The following CDH20 variants were observed in gnomAD, a reference collection of about 807,000 sequenced individuals.
The protein encoded by CDH20 is cadherin-20.
CDH20 carries 29 observed loss-of-function variants against 74.2 expected under a neutral mutation model. The ratio of observed to expected loss-of-function variants is 0.39; its 90% CI spans 0.29 to 0.53. CDH20 has a LOEUF of 0.53. Ranked by LOEUF, CDH20 falls within the 20% of genes least tolerant of loss-of-function variation. The pLI is 0.69. For synonymous variants in CDH20, 469 were observed against 405.4 expected, an observed-to-expected ratio of 1.16 and a Z score of -1.88; for missense variants, 988 against 1,048.3, an observed-to-expected ratio of 0.94 and a Z score of 0.79.
rs1484234354 is a variant in CDH20 at position 61,538,578 on chromosome 18, CTTTTTGTTTG to C, written c.1409-442_1409-433del. 6.6e-4 allele frequency among the ~76,000 whole-genome samples: 23 copies of C among 35,006 alleles called. 3 individuals carry two copies. The East Asian group carries it at 0.013, about 20-fold the overall frequency. 23.0% of individuals were successfully genotyped at this position (35,006 alleles called of 152,430 possible). A position where few individuals can be genotyped will look rare whatever the true frequency, so the allele number is the denominator to read the frequency against. ...TCCAGACTCACCAAGTAAATAACTA[CTTTTTGTTTG>C]TTTGTTTGTTTTTGTTTTTGTTTTT... On this transcript the variant is annotated intron_variant, in intron 8 of 11. Coordinates refer to ENST00000262717, the MANE Select transcript of CDH20 (RefSeq NM_031891.4).
rs764202955 is a variant in CDH20 at position 61,554,325 on chromosome 18, A to T, written c.2036A>T (p.Asp679Val). 1.2e-6 allele frequency: 2 copies of T among 1,613,580 alleles called. No homozygotes were observed. The highest frequency in any genetic ancestry group is 1.7e-6 in the Non-Finnish European group (2 of 1,179,968). The change falls in exon 12 of 12, where the codon GAC becomes GTC. Residue 679 changes from aspartate to valine, a missense_variant. Physicochemically the swap from Asp to Val is radical, Grantham distance 152. Around this residue, in one of 2 missense-constraint regions of CDH20, gnomAD observed 375 missense variants for 293.1 expected, o/e 1.28. Transcript: ENST00000262717. ...GGGEEDTEAF[D>V]IAAMWNPREA... ...GGCGAGGAGGACACCGAGGCCTTCG[A>T]CATCGCGGCCATGTGGAACCCCCGG... is the stretch of plus-strand genomic sequence containing the variant.
intron 1 of CDH20, among the ~76,000 whole-genome samples, chr18:61,455,612 T>C (rs896852014): frequency 1.3e-5 from 2 of 152,150 alleles, no homozygotes; most frequent in Admixed American, 6.5e-5. Context: ...GGCACAAATT[T>C]TGAGTCATTT....
At chr18:61,506,932 A>C (rs943573942) in intron 5 of CDH20, among the ~76,000 whole-genome samples, 16 of 152,128 alleles carry the variant, frequency 1.1e-4, no homozygotes, top group Admixed American at 1.0e-3. Flanking sequence ...CTCAGCACAC[A>C]AGCCAGGCCA....
chr18:61,479,208 G>T (rs1210595140), intron 1 of CDH20, among the ~76,000 whole-genome samples: 2 of 151,348 alleles, frequency 1.3e-5, no homozygotes, highest in African/African-American at 2.4e-5. Context: ...TAGAATATTT[G>T]CATGGGCCAA....
intron 1 of CDH20, among the ~76,000 whole-genome samples, chr18:61,470,798 T>C (rs1448707517): frequency 6.6e-6 from 1 of 152,178 alleles, no homozygotes; most frequent in African/African-American, 2.4e-5. Flanking sequence ...TAGAGGTTTC[T>C]ATAATGATAC....
intron 1 of CDH20, among the ~76,000 whole-genome samples, chr18:61,446,160 A>C (rs1266091296): frequency 1.3e-5 from 2 of 152,224 alleles, no homozygotes; most frequent in Non-Finnish European, 2.9e-5. Context: ...CCTAAGGAGA[A>C]GGAAATTACA....
chr18:61,473,032 G>A (rs1246830475), intron 1 of CDH20, among the ~76,000 whole-genome samples: 1 of 152,156 alleles, frequency 6.6e-6, no homozygotes, highest in Non-Finnish European at 1.5e-5. Flanking sequence ...GTCTAAAGTA[G>A]TTTTTGCTCA....
At chr18:61,528,248 T>G (rs763903278) in intron 7 of CDH20, 28 bp downstream of exon 7, 1 of 1,608,180 alleles carries the variant, frequency 6.2e-7, no homozygotes, top group Non-Finnish European at 8.5e-7. Context: ...ACCTTTTCCT[T>G]ATATGCTGGA....
At chr18:61,345,305 C>G (rs190335848) in intron 1 of CDH20, among the ~76,000 whole-genome samples, 1 of 152,196 alleles carries the variant, frequency 6.6e-6, no homozygotes, top group African/African-American at 2.4e-5. Context: ...AAGCACTTGT[C>G]ATAGGACTTA....
At chr18:61,453,232 A>G (rs1276089609) in intron 1 of CDH20, among the ~76,000 whole-genome samples, 4 of 152,142 alleles carry the variant, frequency 2.6e-5, no homozygotes, top group Admixed American at 6.5e-5. Flanking sequence ...TTGTCATTCC[A>G]AAAATGTTAT....
chr18:61,396,968 C>G (rs1912002693), intron 1 of CDH20, among the ~76,000 whole-genome samples: 1 of 152,206 alleles, frequency 6.6e-6, no homozygotes, highest in Admixed American at 6.5e-5. Context: ...GTTCTTGCTA[C>G]TACGTATGTT....
chr18:61,479,107 C>A (rs986839754), intron 1 of CDH20, among the ~76,000 whole-genome samples: 1 of 151,798 alleles, frequency 6.6e-6, no homozygotes, highest in Non-Finnish European at 1.5e-5. Context: ...CTATTTCAAA[C>A]CTTTCTTTTC....
At chr18:61,474,626 G>T (rs1027539805) in intron 1 of CDH20, among the ~76,000 whole-genome samples, 1 of 152,112 alleles carries the variant, frequency 6.6e-6, no homozygotes, top group Non-Finnish European at 1.5e-5. Context: ...CTGAATCGTT[G>T]TTCACTTTTT....
At chr18:61,499,972 T>C (rs910524842) in intron 3 of CDH20, among the ~76,000 whole-genome samples, 10 of 151,252 alleles carry the variant, frequency 6.6e-5, no homozygotes, top group African/African-American at 2.4e-4. Context: ...GGTGTGGTGG[T>C]GCGCACCTAT....
At chr18:61,374,787 A>C (rs1022284186) in intron 1 of CDH20, among the ~76,000 whole-genome samples, 2 of 152,084 alleles carry the variant, frequency 1.3e-5, no homozygotes, top group Admixed American at 1.3e-4. Context: ...TACACAAAGC[A>C]AGCACAACCA....
chr18:61,407,236 G>A (rs1045844769), intron 1 of CDH20, among the ~76,000 whole-genome samples: 1 of 152,158 alleles, frequency 6.6e-6, no homozygotes, highest in Non-Finnish European at 1.5e-5. Context: ...GGGGAAATAG[G>A]GGCACTATCT....
At chr18:61,378,700 TC>T (rs1911331559) in intron 1 of CDH20, among the ~76,000 whole-genome samples, 1 of 152,248 alleles carries the variant, frequency 6.6e-6, no homozygotes, top group Non-Finnish European at 1.5e-5. Flanking sequence ...TGGTGACTAT[TC>T]TTTTTGTCTT....
intron 7 of CDH20, among the ~76,000 whole-genome samples, chr18:61,531,041 G>C (rs1412960411): frequency 1.3e-5 from 2 of 152,108 alleles, no homozygotes; most frequent in African/African-American, 2.4e-5. Context: ...TAATTCACGA[G>C]TGTGTCCCAA....
chr18:61,377,525 T>C (rs1911279269), intron 1 of CDH20, among the ~76,000 whole-genome samples: 1 of 152,068 alleles, frequency 6.6e-6, no homozygotes, highest in African/African-American at 2.4e-5. Context: ...CAATCCACTT[T>C]GAGTTTTTAC....
Sources: gnomAD v4.1 joint callset for allele counts (sites outside exome capture counted in the v4.1 genomes callset) on GRCh38, gnomAD v4.1.1 for gene constraint, gnomAD v4.1.1 regional missense constraint, MANE v1.5 for transcripts, NCBI Gene and HGNC (gene_info 2026-07-23, HGNC 2026-07-21) for gene names.